KAT14: variants seen among roughly 807,000 people sequenced by gnomAD.
KAT14 encodes cysteine-rich protein 2-binding protein.
In KAT14, 66 loss-of-function variants were observed where a neutral mutation model predicts 78.4. The ratio of observed to expected loss-of-function variants is 0.84; its 90% CI spans 0.69 to 1.03. KAT14 has a LOEUF of 1.03. KAT14 is among the 50% of genes least tolerant of loss of function. The pLI, the probability that KAT14 is intolerant of heterozygous loss-of-function variation, is 0.00. For synonymous variants in KAT14, 344 were observed against 359.4 expected (o/e 0.96, Z 0.48); for missense variants, 870 against 972.5 (o/e 0.89, Z 1.40).
chr20:18,144,258 G>A (rs1305511029), intron 2 of KAT14, among the ~76,000 whole-genome samples: 1 of 152,130 alleles, frequency 6.6e-6, no homozygotes, highest in Non-Finnish European at 1.5e-5. Flanking sequence ...GCTTCTGAGC[G>A]GTCTCTGTTA....
intron 3 of KAT14, among the ~76,000 whole-genome samples, chr20:18,149,245 T>C (rs537785039): frequency 1.4e-4 from 22 of 152,360 alleles, no homozygotes; most frequent in Admixed American, 1.3e-3. Context: ...TACCATTTTT[T>C]AGTGTACAGT....
chr20:18,184,495 T>G, intron 9 of KAT14, 107 bp from the exon 10 acceptor site: 2 of 1,016,518 alleles, frequency 2.0e-6, no homozygotes, highest in Non-Finnish European at 2.7e-6. Flanking sequence ...GTTTTTTTTT[T>G]TTTTTTTTAG....
chr20:18,153,283 C>T (rs1434679959), intron 4 of KAT14, among the ~76,000 whole-genome samples: 1 of 151,652 alleles, frequency 6.6e-6, no homozygotes, highest in African/African-American at 2.4e-5. Context: ...AGACTCCCTA[C>T]ATTTTTGCAA....
intron 7 of KAT14, among the ~76,000 whole-genome samples, chr20:18,165,456 G>A (rs1264300006): frequency 1.3e-5 from 2 of 152,146 alleles, no homozygotes; most frequent in African/African-American, 4.8e-5. Flanking sequence ...ATTGCCGGCA[G>A]CACCAGGAGC....
At chr20:18,152,469 C>T (rs931283815) in intron 4 of KAT14, among the ~76,000 whole-genome samples, 3 of 152,208 alleles carry the variant, frequency 2.0e-5, no homozygotes, top group South Asian at 4.2e-4. Context: ...CCCAGCTACT[C>T]GGGAGGCTGA....
chr20:18,183,172 C>A lies in KAT14; in HGVS notation c.1855C>A (p.Arg619Ser), dbSNP rs373399876. ...CAAACTGCAGCTCCTGTCACAGATTCGTTCCCACCTGCACAGGAGCGACCC... is the reference window on the plus strand; with the variant it reads ...CAAACTGCAGCTCCTGTCACAGATTAGTTCCCACCTGCACAGGAGCGACCC... ...PPKLQLLSQI[R>S]SHLHRSDPHW... is the part of the protein sequence containing the mutation. Residue 619 changes from arginine (R) to serine (S), a missense_variant, in exon 9 of 11, where the codon CGT becomes AGT. By Grantham distance (110) the Arg-to-Ser change is moderately radical. Coordinates refer to ENST00000688188, the MANE Select transcript of KAT14 (RefSeq NM_001392073.1). 6 of 1,613,648 alleles carry A rather than the reference C, an allele frequency of 3.7e-6. No individual in the cohort carries two copies. In the South Asian group the frequency reaches 4.4e-5, roughly 12 times the overall value.
intron 1 of KAT14, among the ~76,000 whole-genome samples, chr20:18,141,036 T>A (rs1315273676): frequency 1.5e-3 from 32 of 21,324 alleles, no homozygotes; most frequent in Non-Finnish European, 4.0e-3. Flanking sequence ...TTTTTTTTTT[T>A]TTTTTTTTTT....
chr20:18,179,086 T>G (rs1384034365), intron 7 of KAT14, among the ~76,000 whole-genome samples: 1 of 152,244 alleles, frequency 6.6e-6, no homozygotes, highest in Non-Finnish European at 1.5e-5. Context: ...CTTTGACTCC[T>G]TATCTTACAT....
At chr20:18,167,790 A>G (rs980352619) in intron 7 of KAT14, among the ~76,000 whole-genome samples, 1 of 152,146 alleles carries the variant, frequency 6.6e-6, no homozygotes, top group African/African-American at 2.4e-5. Context: ...CTGTACCATA[A>G]AGAAAGTTAT....
chr20:18,155,870 T>G (rs2038208007), intron 4 of KAT14, among the ~76,000 whole-genome samples: 2 of 152,308 alleles, frequency 1.3e-5, no homozygotes, highest in South Asian at 4.1e-4. Context: ...TCATATGATC[T>G]GGCAATTTCA....
At position 18,162,657 on chromosome 20, in the gene KAT14, T is replaced by A; in HGVS notation, c.1380T>A (p.Thr460=). ...CAAAGCCGAAAGAGCCCAGGTATAC[T>A]CCCGTGAGCATCTACGAGGAAAAGC... ...KDTKPKEPRY[T]PVSIYEEKLL... The change falls in exon 7 of 11, where the codon ACT becomes ACA. Residue 460 remains threonine, a synonymous_variant. Coordinates refer to ENST00000688188, the MANE Select transcript of KAT14 (RefSeq NM_001392073.1). 1 of 1,614,134 alleles carries A rather than the reference T, an allele frequency of 6.2e-7. No homozygotes were observed. Among genetic ancestry groups the A allele is most frequent in the South Asian group, 1.1e-5 (1 of 91,078 alleles).
chr20:18,162,286 G>T (rs1470512049), intron 6 of KAT14, 47 bp downstream of exon 6: 2 of 1,610,298 alleles, frequency 1.2e-6, no homozygotes, highest in Non-Finnish European at 1.7e-6. Context: ...ATGGGCCATG[G>T]TATAAATGTA....
intron 1 of KAT14, among the ~76,000 whole-genome samples, chr20:18,141,048 T>G (rs796874031): frequency 0.18 from 5,724 of 32,090 alleles, 230 homozygotes; most frequent in Admixed American, 0.28. Context: ...TTTTTTTTTA[T>G]TTTTATTTTT....
At chr20:18,170,702 T>A (rs930700900) in intron 7 of KAT14, among the ~76,000 whole-genome samples, 2 of 152,046 alleles carry the variant, frequency 1.3e-5, no homozygotes, top group Non-Finnish European at 2.9e-5. Flanking sequence ...GCCCAGCTTA[T>A]TTTTTGTATT....
intron 10 of KAT14, among the ~76,000 whole-genome samples, chr20:18,187,036 C>T (rs2039471493): frequency 6.6e-6 from 1 of 152,160 alleles, no homozygotes; most frequent in Admixed American, 6.6e-5. Flanking sequence ...TCCCCATTGA[C>T]CCTTTGCTTC....
chr20:18,157,703 G>A (rs773014000), intron 4 of KAT14, among the ~76,000 whole-genome samples: 4 of 152,150 alleles, frequency 2.6e-5, no homozygotes, highest in African/African-American at 4.8e-5. Context: ...GAACCATACA[G>A]TATTTGTCTT....
At chr20:18,177,481 T>A (rs1192871776) in intron 7 of KAT14, among the ~76,000 whole-genome samples, 2 of 152,184 alleles carry the variant, frequency 1.3e-5, no homozygotes, top group Non-Finnish European at 2.9e-5. Flanking sequence ...GAGGAGCCGC[T>A]TAGTAGGGAT....
intron 7 of KAT14, among the ~76,000 whole-genome samples, chr20:18,170,189 G>A (rs2038796460): frequency 6.6e-6 from 1 of 152,190 alleles, no homozygotes; most frequent in East Asian, 1.9e-4. Context: ...GATCATTGAT[G>A]GAAGTGGCTA....
intron 7 of KAT14, among the ~76,000 whole-genome samples, chr20:18,176,005 C>CAAAA (rs35353769): frequency 1.9e-5 from 2 of 106,178 alleles, no homozygotes; most frequent in African/African-American, 3.8e-5. Context: ...GAGACTGTCT[C>CAAAA]AAAAAAAAAA....
Sources: allele counts gnomAD v4.1 joint callset (sites outside exome capture counted in the v4.1 genomes callset), GRCh38; gene constraint gnomAD v4.1.1; transcripts MANE v1.5; gene names NCBI Gene and HGNC (gene_info 2026-07-23, HGNC 2026-07-21).